SCRN1: variants seen among roughly 807,000 people sequenced by gnomAD.
SCRN1 encodes secernin-1.
In SCRN1, 19 loss-of-function variants were observed where a neutral mutation model predicts 43.3. The ratio of observed to expected loss-of-function variants is 0.44; its 90% confidence interval spans 0.31 to 0.64. SCRN1 has a LOEUF of 0.64. Among genes scored for constraint, SCRN1 ranks in the 30% least tolerant of loss-of-function variants. The pLI is 0.09. For synonymous variants in SCRN1, 183 were observed against 188.9 expected, an observed-to-expected ratio of 0.97 and a Z score of 0.26; for missense variants, 447 against 524.1, an observed-to-expected ratio of 0.85 and a Z score of 1.44.
intron 2 of SCRN1, among the ~76,000 whole-genome samples, chr7:29,959,536 C>T (rs754589364): frequency 2.9e-4 from 44 of 152,140 alleles, no homozygotes; most frequent in Non-Finnish European, 5.6e-4. Flanking sequence ...TCCCAAGTAG[C>T]TGGGACTAGA....
chr7:29,959,875 T>C (rs1788249516), intron 2 of SCRN1, among the ~76,000 whole-genome samples: 1 of 148,648 alleles, frequency 6.7e-6, no homozygotes, highest in African/African-American at 2.5e-5. Context: ...TCTGACTCCA[T>C]ACAAGACTGG....
chr7:29,925,000 C>T (rs943759318), intron 7 of SCRN1, among the ~76,000 whole-genome samples: 17 of 152,164 alleles, frequency 1.1e-4, no homozygotes, highest in East Asian at 1.9e-4. Context: ...CCCTTTCTAC[C>T]TCTTCATTCT....
upstream of SCRN1, chr7:29,990,169 A>ATGTG (rs1408360700): frequency 6.4e-7 from 1 of 1,551,386 alleles, no homozygotes; most frequent in African/African-American, 1.4e-5. Flanking sequence ...CCGGAGAGAA[A>ATGTG]TGTGTCCTGT....
intron 2 of SCRN1, among the ~76,000 whole-genome samples, chr7:29,968,052 A>G (rs1788552911): frequency 1.3e-5 from 2 of 152,366 alleles, no homozygotes; most frequent in South Asian, 4.1e-4. Flanking sequence ...CTAGGCATCT[A>G]TCCCAAAGAA....
chr7:29,962,617 G>C (rs1788363310), intron 2 of SCRN1, among the ~76,000 whole-genome samples: 1 of 152,128 alleles, frequency 6.6e-6, no homozygotes, highest in African/African-American at 2.4e-5. Flanking sequence ...GAACCCAGGA[G>C]GCAGAGGTTG....
intron 6 of SCRN1, among the ~76,000 whole-genome samples, chr7:29,927,908 GT>G (rs1180333106): frequency 6.6e-6 from 1 of 152,084 alleles, no homozygotes; most frequent in Non-Finnish European, 1.5e-5. Flanking sequence ...ATCACTTGAG[GT>G]CAGGAGTTCG....
chr7:29,981,189 A>T (rs530068954), intron 1 of SCRN1, among the ~76,000 whole-genome samples: 1 of 152,318 alleles, frequency 6.6e-6, no homozygotes, highest in East Asian at 1.9e-4. Context: ...CAATAAAAAA[A>T]AAAAAATACA....
chr7:29,949,321 GA>G (rs80100397), intron 3 of SCRN1, among the ~76,000 whole-genome samples: 47,648 of 129,410 alleles, frequency 0.37, 8,096 homozygotes, highest in African/African-American at 0.43. Context: ...TCTAAAAAAA[GA>G]AAAAAAAAAA....
At chr7:29,936,800 A>G in intron 5 of SCRN1, 79 bp from the exon 6 acceptor site, 1 of 1,219,094 alleles carries the variant, frequency 8.2e-7, no homozygotes, top group Non-Finnish European at 1.1e-6. Flanking sequence ...TAATCCCAGC[A>G]CTTTGGGAGG....
rs1788446462 is a variant in SCRN1 at position 29,965,096 on chromosome 7, T to C, written c.159+3813A>G. ...AACTCTCTGTGCCTTCTGTTCATTT[T>C]TCTGTAAACATAAAACTGCTCTAAA... On this transcript the variant is annotated intron_variant, in intron 2 of 7. Coordinates refer to ENST00000242059, the MANE Select transcript of SCRN1 (RefSeq NM_014766.5). This position sits in a 1 kb window ranked among gnomAD's most constrained non-coding sequence, Gnocchi z 4.2. Among the ~76,000 whole-genome samples the C allele has an allele frequency of 6.6e-6, 1 of 152,158 alleles. No homozygotes were observed. Among genetic ancestry groups the C allele is most frequent in the Non-Finnish European group, 1.5e-5 (1 of 68,036 alleles).
chr7:29,923,051 CT>C lies in SCRN1; in HGVS notation c.*905del, dbSNP rs1786820485. Reference sequence around the variant, plus strand: ...CTCCTTGGCTGAGAGATTCACTACTCTGTGGGTGGAACTGTGCCATAGGGCC... The same window carrying C: ...CTCCTTGGCTGAGAGATTCACTACTCGTGGGTGGAACTGTGCCATAGGGCC... On this transcript the variant is annotated 3_prime_UTR_variant, in exon 8 of 8. Coordinates refer to ENST00000242059, the MANE Select transcript of SCRN1 (RefSeq NM_014766.5). 6.6e-6 allele frequency: 1 copy of C among 151,916 alleles called. No homozygotes were observed. The highest frequency in any genetic ancestry group is 6.6e-5 in the Admixed American group (1 of 15,260). The allele number at this position is 151,916 out of a possible 1,614,324, so 9.4% of individuals were successfully genotyped here.
upstream of SCRN1, chr7:29,990,234 G>A: frequency 6.4e-7 from 1 of 1,551,638 alleles, no homozygotes; most frequent in Non-Finnish European, 8.7e-7. Context: ...GTGCCGTCCT[G>A]TACCATGTTG....
chr7:29,975,451 G>T (rs755477045), intron 1 of SCRN1, among the ~76,000 whole-genome samples: 2 of 152,184 alleles, frequency 1.3e-5, no homozygotes, highest in Admixed American at 1.3e-4. Flanking sequence ...CCAAAACAGT[G>T]TTTTCCTAAC....
rs17158502 is a variant in SCRN1, at chr7:29,926,678, C to T, written c.906-46G>A. 72,441 of 1,443,758 alleles carry T rather than the reference C, an allele frequency of 0.05. 1,972 individuals are homozygous for T. Among genetic ancestry groups the T allele is most frequent in the East Asian group, 0.11 (3,768 of 35,286 alleles). 89.4% of individuals were successfully genotyped at this position (1,443,758 alleles called of 1,614,324 possible). On this transcript the variant is annotated intron_variant, in intron 6 of 7. Coordinates refer to ENST00000242059, the MANE Select transcript of SCRN1 (RefSeq NM_014766.5). ...CTTCAGCCAGGCAGAGGCTGGGACC[C>T]GGGAACACCCAGAGACTGTCCTTTT...
chr7:29,936,704 T>A lies in SCRN1; in HGVS notation c.757A>T (p.Thr253Ser), dbSNP rs761825544. Residue 253 changes from threonine (T) to serine (S), a missense_variant, in exon 6 of 8, where the codon ACT becomes TCT. Transcript: ENST00000242059. Reference protein sequence around the residue: ...EKQEESITVQTMMNTLRDKAS... With the variant: ...EKQEESITVQSMMNTLRDKAS... ...TTGTCCCGTAAGGTGTTCATCATAG[T>A]CTGCACTGTGATGCTTTCTGCAAAA... 6.4e-7 allele frequency: 1 copy of A among 1,554,256 alleles called. No homozygotes were observed. The highest frequency in any genetic ancestry group is 2.3e-5 in the East Asian group (1 of 43,570).
intron 6 of SCRN1, among the ~76,000 whole-genome samples, chr7:29,927,346 T>G (rs1786997751): frequency 8.1e-6 from 1 of 123,946 alleles, no homozygotes; most frequent in Non-Finnish European, 1.7e-5. Context: ...CTAGGATACA[T>G]CACCCCCCCA....
intron 2 of SCRN1, among the ~76,000 whole-genome samples, chr7:29,964,048 C>T (rs1474916375): frequency 1.3e-5 from 2 of 152,116 alleles, no homozygotes; most frequent in Non-Finnish European, 2.9e-5. Context: ...AAGAGTTATA[C>T]AGGATGGAGA....
At chr7:29,955,407 C>T (rs1311252107) in intron 2 of SCRN1, 47 bp from the exon 3 acceptor site, 1 of 1,558,708 alleles carries the variant, frequency 6.4e-7, no homozygotes, top group African/African-American at 1.4e-5. Flanking sequence ...TGTCAGGTAC[C>T]ACCTCATTTC....
rs1562797236 is a variant in SCRN1, at chr7:29,921,986, T to A, written c.*1971A>T. 6.6e-6 allele frequency: 1 copy of A among 152,196 alleles called. No individual in the cohort carries two copies. Among genetic ancestry groups the A allele is most frequent in the Non-Finnish European group, 1.5e-5 (1 of 68,030 alleles). 9.4% of individuals were successfully genotyped at this position (152,196 alleles called of 1,614,324 possible). A position where few individuals can be genotyped will look rare whatever the true frequency, so the allele number is the denominator to read the frequency against. On this transcript the variant is annotated 3_prime_UTR_variant, in exon 8 of 8. Coordinates refer to ENST00000242059, the MANE Select transcript of SCRN1 (RefSeq NM_014766.5). ...TATCATCTTGCTTTACATAGCCACT[T>A]GGAACATGGACTTGGGAGGGGAGAG...
Sources: gnomAD v4.1 joint callset for allele counts (sites outside exome capture counted in the v4.1 genomes callset) on GRCh38, gnomAD v4.1.1 for gene constraint, Gnocchi (gnomAD v3.1) non-coding constraint, MANE v1.5 for transcripts, NCBI Gene and HGNC (gene_info 2026-07-23, HGNC 2026-07-21) for gene names.